PLS3: variants seen among roughly 807,000 people sequenced by gnomAD.
The protein encoded by PLS3 is plastin 3, also known as plastin-3.
Under a neutral mutation model 46.5 loss-of-function variants are expected in PLS3, and 11 were observed. The observed-to-expected ratio is 0.24, with a 90% CI of 0.15 to 0.39. The LOEUF is 0.39. Ranked by LOEUF, PLS3 falls within the 10% of genes least tolerant of loss-of-function variation. The pLI is 1.00. For synonymous variants in PLS3, 167 were observed against 162.2 expected, an observed-to-expected ratio of 1.03 and a Z score of -0.22; for missense variants, 308 against 461.8, an observed-to-expected ratio of 0.67 and a Z score of 3.05.
chrX:115,569,671 C>T (rs781828079), intron 1 of PLS3, among the ~76,000 whole-genome samples: 3 of 111,415 alleles, frequency 2.7e-5, no homozygotes, highest in African/African-American at 9.8e-5. Context: ...CATTACATAT[C>T]CCTCCTGAAA....
intron 8 of PLS3, among the ~76,000 whole-genome samples, chrX:115,638,547 C>T (rs1044080472): frequency 1.8e-5 from 2 of 111,126 alleles, no homozygotes; most frequent in South Asian, 7.6e-4. Context: ...ACCTGGCCAG[C>T]CAGGTATATT....
chrX:115,595,757 T>G (rs370249284), intron 1 of PLS3, among the ~76,000 whole-genome samples: 2,021 of 102,194 alleles, frequency 0.02, 64 homozygotes, highest in African/African-American at 0.066. Flanking sequence ...TGGCACGATC[T>G]TGGCTCATGC....
At chrX:115,623,948 G>A (rs1000628190) in intron 3 of PLS3, among the ~76,000 whole-genome samples, 7 of 112,218 alleles carry the variant, frequency 6.2e-5, no homozygotes, top group African/African-American at 2.3e-4. Context: ...CACACTTGTC[G>A]GCCGGGCACG....
At chrX:115,628,863 C>T (rs1569528424) in intron 3 of PLS3, among the ~76,000 whole-genome samples, 1 of 111,898 alleles carries the variant, frequency 8.9e-6, no homozygotes, top group East Asian at 2.8e-4. Context: ...AATGTTTTCT[C>T]TCCAGGAAAA....
chrX:115,588,773 A>C (rs1222233014), intron 1 of PLS3, among the ~76,000 whole-genome samples: 6 of 110,187 alleles, frequency 5.4e-5, no homozygotes, highest in Non-Finnish European at 1.1e-4. Context: ...AGTGAGAGAG[A>C]GACCCTCAGG....
At chrX:115,566,349 A>G (rs1379011164) in intron 1 of PLS3, among the ~76,000 whole-genome samples, 1 of 63,815 alleles carries the variant, frequency 1.6e-5, no homozygotes, top group East Asian at 5.8e-4. Flanking sequence ...ATAAAAACCT[A>G]CATGTGATAC....
chrX:115,577,432 A>T (rs1481344430), intron 1 of PLS3, among the ~76,000 whole-genome samples: 2 of 110,130 alleles, frequency 1.8e-5, no homozygotes, highest in Non-Finnish European at 3.8e-5. Context: ...GTTTTTGAAA[A>T]CTCTAATTCC....
chrX:115,645,291 G>C (rs1486636069), intron 11 of PLS3, among the ~76,000 whole-genome samples, 192 bp downstream of exon 11: 1 of 111,433 alleles, frequency 9.0e-6, no homozygotes, highest in Non-Finnish European at 1.9e-5. Context: ...ATCGTTAACT[G>C]TAAGTGATAG....
At chrX:115,593,268 T>C (rs781814840) in intron 1 of PLS3, among the ~76,000 whole-genome samples, 1 of 109,359 alleles carries the variant, frequency 9.1e-6, no homozygotes, top group Non-Finnish European at 1.9e-5. Flanking sequence ...TCTAAATAGG[T>C]ATATGGGTTG....
In PLS3 at chrX:115,585,678, C is replaced by G. The variant is rs782796284; in HGVS notation, c.-9+24418C>G. Among the ~76,000 whole-genome samples the G allele has an allele frequency of 2.1e-4, 23 of 111,415 alleles. No individual in the cohort carries two copies. In the South Asian group the frequency reaches 3.4e-3, roughly 16 times the overall value. Reference sequence around the variant, plus strand: ...GCGCTGGGATTACAGGTGTGAGCCACTGCACCCGGTCTAAAAACTTATTTT... The same window carrying G: ...GCGCTGGGATTACAGGTGTGAGCCAGTGCACCCGGTCTAAAAACTTATTTT... On this transcript the variant is annotated intron_variant, in intron 1 of 15. Coordinates refer to ENST00000355899, the MANE Select transcript of PLS3 (RefSeq NM_005032.7).
chrX:115,588,662 G>C (rs781816038), intron 1 of PLS3, among the ~76,000 whole-genome samples: 1 of 110,408 alleles, frequency 9.1e-6, no homozygotes, highest in African/African-American at 3.3e-5. Flanking sequence ...AAAAGTTTAG[G>C]AACTGCTGAG....
At chrX:115,628,443 G>A (rs1217832815) in intron 3 of PLS3, among the ~76,000 whole-genome samples, 5 of 112,076 alleles carry the variant, frequency 4.5e-5, no homozygotes, top group Admixed American at 3.8e-4. Flanking sequence ...ATTTAGCCAC[G>A]CACATTGGTG....
At chrX:115,625,310 TGTGTGTGTGCGCGC>T (rs782633494) in intron 3 of PLS3, among the ~76,000 whole-genome samples, 4 of 110,255 alleles carry the variant, frequency 3.6e-5, no homozygotes, top group Non-Finnish European at 7.6e-5. Context: ...GAAATGTCTG[TGTGTGTGTGCGCGC>T]GTGTGTGTGT....
chrX:115,602,298 C>T (rs1479484541), intron 1 of PLS3, among the ~76,000 whole-genome samples: 1 of 111,988 alleles, frequency 8.9e-6, no homozygotes, highest in Non-Finnish European at 1.9e-5. Flanking sequence ...CTGGTACATA[C>T]TAAGCCTTAA....
intron 1 of PLS3, among the ~76,000 whole-genome samples, chrX:115,606,173 T>TC (rs2074491610): frequency 1.4e-5 from 1 of 69,885 alleles, no homozygotes; most frequent in Non-Finnish European, 2.5e-5. Context: ...TTCTTTTTTT[T>TC]TTTTTTTTTT....
intron 1 of PLS3, among the ~76,000 whole-genome samples, chrX:115,588,465 A>G (rs1234387439): frequency 8.9e-6 from 1 of 112,316 alleles, no homozygotes; most frequent in Non-Finnish European, 1.9e-5. Context: ...TTGTCACTAC[A>G]CTTTTTTTGA....
At position 115,608,263 on chromosome X, in the gene PLS3, A is replaced by T. The variant is rs781791716; in HGVS notation, c.-8-1980A>T. Among the ~76,000 whole-genome samples the T allele has an allele frequency of 7.1e-4, 79 of 111,970 alleles. 1 individual carries two copies. Among genetic ancestry groups the T allele is most frequent in the Non-Finnish European group, 1.1e-3 (58 of 53,271 alleles). ...GAGTGTTACACTTCTTGGCCAAAAC[A>T]TAAGTTGGTGAGTAATTTGTTGCCT... On this transcript the variant is annotated intron_variant, in intron 1 of 15. Coordinates refer to ENST00000355899, the MANE Select transcript of PLS3 (RefSeq NM_005032.7).
chrX:115,633,667 C>T (rs944137269), intron 5 of PLS3, among the ~76,000 whole-genome samples: 2 of 109,134 alleles, frequency 1.8e-5, no homozygotes, highest in Non-Finnish European at 3.8e-5. Flanking sequence ...ATTTTTTTAT[C>T]GTTTTTGTAG....
intron 3 of PLS3, among the ~76,000 whole-genome samples, chrX:115,626,941 C>T (rs377378644): frequency 1.8e-5 from 2 of 108,990 alleles, no homozygotes; most frequent in Non-Finnish European, 3.8e-5. Flanking sequence ...CTCCATCTCC[C>T]GGGTTCAAGT....
Sources: allele counts gnomAD v4.1 joint callset (sites outside exome capture counted in the v4.1 genomes callset), GRCh38; gene constraint gnomAD v4.1.1; transcripts MANE v1.5; gene names NCBI Gene and HGNC (gene_info 2026-07-23, HGNC 2026-07-21).